The following MSI2 variants were observed in gnomAD, a reference collection of about 807,000 sequenced individuals.
The protein encoded by MSI2 is RNA-binding protein Musashi homolog 2.
MSI2 carries 17 observed loss-of-function variants against 45.6 expected under a neutral mutation model. That is an observed-to-expected ratio of 0.37 (90% CI 0.26 to 0.56). The LOEUF is 0.56. MSI2 is among the 20% of genes least tolerant of loss of function. The pLI, the probability that MSI2 is intolerant of heterozygous loss-of-function variation, is 0.77. For synonymous variants in MSI2, 156 were observed against 158.2 expected (o/e 0.99, Z 0.11); for missense variants, 293 against 444.2 (o/e 0.66, Z 3.06).
chr17:57,572,148 G>A (rs1251517691), intron 7 of MSI2, among the ~76,000 whole-genome samples: 3 of 152,232 alleles, frequency 2.0e-5, no homozygotes, highest in Non-Finnish European at 2.9e-5. Flanking sequence ...TCAAGCCAGA[G>A]CCTGCTGGGA....
intron 11 of MSI2, among the ~76,000 whole-genome samples, chr17:57,658,092 G>A (rs902697612): frequency 3.3e-5 from 5 of 152,208 alleles, no homozygotes; most frequent in Admixed American, 6.5e-5. Flanking sequence ...GATGGGGGGC[G>A]GAGCGGGGGA....
intron 7 of MSI2, among the ~76,000 whole-genome samples, chr17:57,540,317 A>ATGGAGGCTCAGGCTTGCTGAT (rs1384311511): frequency 6.6e-6 from 1 of 152,186 alleles, no homozygotes; most frequent in African/African-American, 2.4e-5. Flanking sequence ...TACTTCGGGA[A>ATGGAGGCTCAGGCTTGCTGAT]TGGAGGCTCA....
intron 7 of MSI2, among the ~76,000 whole-genome samples, chr17:57,590,777 G>A (rs1232311638): frequency 6.6e-6 from 1 of 152,174 alleles, no homozygotes; most frequent in African/African-American, 2.4e-5. Flanking sequence ...GCTGATGCCA[G>A]GTGAGAAGGG....
intron 11 of MSI2, among the ~76,000 whole-genome samples, chr17:57,664,020 G>A (rs1028549446): frequency 6.6e-6 from 1 of 151,546 alleles, no homozygotes; most frequent in South Asian, 2.1e-4. Context: ...AAAAAAAATA[G>A]AGGCAGCATA....
At chr17:57,700,497 C>G in the MSI2 span, among the ~76,000 whole-genome samples, 2 of 152,192 alleles carry the variant, frequency 1.3e-5, no homozygotes, top group Non-Finnish European at 2.9e-5. Flanking sequence ...GTGGATGCTT[C>G]TGTGAGAGTG....
At chr17:57,561,224 G>A (rs1450259646) in intron 7 of MSI2, among the ~76,000 whole-genome samples, 2 of 152,194 alleles carry the variant, frequency 1.3e-5, no homozygotes, top group Non-Finnish European at 2.9e-5. Flanking sequence ...GGCGGTGTGG[G>A]TGGGCCTGGG....
intron 7 of MSI2, among the ~76,000 whole-genome samples, chr17:57,579,190 A>G (rs1390780154): frequency 2.0e-5 from 3 of 152,236 alleles, no homozygotes; most frequent in Non-Finnish European, 2.9e-5. Flanking sequence ...TAAACTAAGG[A>G]AAGGATGACA....
At chr17:57,282,807 G>A (rs951946338) in intron 5 of MSI2, among the ~76,000 whole-genome samples, 7 of 144,288 alleles carry the variant, frequency 4.9e-5, no homozygotes, top group Middle Eastern at 4.0e-3. Flanking sequence ...CTTTATGCTT[G>A]GGCTGGGGTT....
intron 10 of MSI2, among the ~76,000 whole-genome samples, chr17:57,643,927 A>G (rs1910446115): frequency 6.6e-6 from 1 of 152,162 alleles, no homozygotes; most frequent in Non-Finnish European, 1.5e-5. Flanking sequence ...CACCCTTCCC[A>G]GCAGGCAGGC....
At chr17:57,370,335 A>G (rs1309699717) in intron 5 of MSI2, among the ~76,000 whole-genome samples, 3 of 152,220 alleles carry the variant, frequency 2.0e-5, no homozygotes, top group Admixed American at 2.0e-4. Context: ...GTGAATCAGC[A>G]AAGAGTAGGA....
In MSI2 at chr17:57,615,967, C is replaced by T; in HGVS notation, c.538-3C>T. ...CTCATTTGTTCGCCTTTCTGTTTAA[C>T]AGGTAGAATGTAAGAAAGCTCAGCC... On this transcript the variant is annotated splice_region_variant and splice_polypyrimidine_tract_variant and intron_variant, in intron 8 of 13. Coordinates refer to ENST00000284073, the MANE Select transcript of MSI2 (RefSeq NM_138962.4). The T allele has an allele frequency of 6.2e-7, 1 of 1,609,150 alleles. No homozygotes were observed. Among genetic ancestry groups the T allele is most frequent in the Non-Finnish European group, 8.5e-7 (1 of 1,175,762 alleles).
chr17:57,490,927 T>C (rs1188837047), intron 6 of MSI2, among the ~76,000 whole-genome samples: 1 of 152,178 alleles, frequency 6.6e-6, no homozygotes, highest in Non-Finnish European at 1.5e-5. Context: ...AGCAGCTTAG[T>C]ACTTGGAACC....
Position 57,652,279 on chromosome 17 carries a change from C to G in MSI2, c.790+118C>G. On this transcript the variant is annotated intron_variant, in intron 11 of 13. Coordinates refer to ENST00000284073, the MANE Select transcript of MSI2 (RefSeq NM_138962.4). This position sits in a 1 kb window ranked among gnomAD's most constrained non-coding sequence, Gnocchi z 4.1. ...TCCAACACCACTCTCACCACAGCCC[C>G]GGGGAGGGGGTGGACGGGGAGGGGG... The G allele has an allele frequency of 1.9e-6, 2 of 1,032,890 alleles. No individual in the cohort carries two copies. The highest frequency in any genetic ancestry group is 2.9e-6 in the Non-Finnish European group (2 of 701,216). 64.0% of individuals were successfully genotyped at this position (1,032,890 alleles called of 1,614,324 possible). A position where few individuals can be genotyped will look rare whatever the true frequency, so the allele number is the denominator to read the frequency against.
chr17:57,623,666 C>T (rs185576443), intron 9 of MSI2, among the ~76,000 whole-genome samples: 3 of 152,258 alleles, frequency 2.0e-5, no homozygotes, highest in African/African-American at 4.8e-5. Context: ...ATAAATTGTG[C>T]AGTGGCCAGT....
chr17:57,545,221 T>C (rs1176763591), intron 7 of MSI2, among the ~76,000 whole-genome samples: 4 of 152,102 alleles, frequency 2.6e-5, no homozygotes, highest in Non-Finnish European at 5.9e-5. Flanking sequence ...CTCCTCACTA[T>C]TGCCTAGTGG....
chr17:57,669,754 C>T (rs1194593445), intron 11 of MSI2, among the ~76,000 whole-genome samples: 1 of 152,144 alleles, frequency 6.6e-6, no homozygotes, highest in Non-Finnish European at 1.5e-5. Flanking sequence ...GAATGGAGGC[C>T]GTGACACCAG....
In MSI2 at chr17:57,682,039, C is replaced by T. The variant is rs546814639; in HGVS notation, c.*2522C>T. On this transcript the variant is annotated 3_prime_UTR_variant, in exon 14 of 14. Transcript: ENST00000284073. ...GCGTGCTGTCCTGGTACTAGTGTAG[C>T]GACTTTTTTTCTCCTCTTTCTTCTA... The T allele has an allele frequency of 5.3e-5, 11 of 206,202 alleles. No individual in the cohort carries two copies. In the South Asian group the frequency reaches 7.6e-4, roughly 14 times the overall value. 12.8% of individuals were successfully genotyped at this position (206,202 alleles called of 1,614,324 possible).
At chr17:57,469,755 TCC>T (rs1567842815) in intron 6 of MSI2, among the ~76,000 whole-genome samples, 1 of 152,248 alleles carries the variant, frequency 6.6e-6, no homozygotes, top group Non-Finnish European at 1.5e-5. Flanking sequence ...ATCTCCAGTG[TCC>T]CCATCTCCAG....
intron 6 of MSI2, among the ~76,000 whole-genome samples, chr17:57,508,999 A>T (rs980025980): frequency 2.6e-5 from 4 of 152,216 alleles, no homozygotes; most frequent in Non-Finnish European, 5.9e-5. Flanking sequence ...CCCCTGAGTC[A>T]GATCAGCATC....
Sources: gnomAD v4.1 joint callset for allele counts (sites outside exome capture counted in the v4.1 genomes callset) on GRCh38, gnomAD v4.1.1 for gene constraint, Gnocchi (gnomAD v3.1) non-coding constraint, MANE v1.5 for transcripts, NCBI Gene and HGNC (gene_info 2026-07-23, HGNC 2026-07-21) for gene names.